The following TENM4 variants were observed in gnomAD, a reference collection of about 807,000 sequenced individuals.
The protein encoded by TENM4 is teneurin transmembrane protein 4.
In TENM4, 82 loss-of-function variants were observed where a neutral mutation model predicts 243.3. The observed-to-expected ratio is 0.34, with a 90% CI of 0.28 to 0.40. The LOEUF is 0.40. Among genes scored for constraint, TENM4 ranks in the 10% least tolerant of loss-of-function variants. The probability of loss-of-function intolerance (pLI) is 1.00; values close to 1 mark genes in which losing one functional copy is unlikely to be tolerated. For missense variants in TENM4, 3,138 were observed against 3,673.3 expected (o/e 0.85, Z 3.77); for synonymous variants, 1,412 against 1,456.3 (o/e 0.97, Z 0.69).
intron 1 of TENM4, among the ~76,000 whole-genome samples, chr11:79,417,932 C>T (rs767117748): frequency 2.0e-5 from 3 of 152,152 alleles, no homozygotes; most frequent in Non-Finnish European, 4.4e-5. Flanking sequence ...TTCTTACTGA[C>T]CTCCAGGCAG....
chr11:78,935,371 C>T (rs563846315), intron 6 of TENM4, among the ~76,000 whole-genome samples: 7 of 152,232 alleles, frequency 4.6e-5, no homozygotes, highest in East Asian at 1.9e-4. Flanking sequence ...GGAAGAAGGG[C>T]GCTAAACACC....
At chr11:79,022,090 C>T (rs760415587) in intron 6 of TENM4, among the ~76,000 whole-genome samples, 9 of 152,144 alleles carry the variant, frequency 5.9e-5, no homozygotes, top group Non-Finnish European at 1.2e-4. Context: ...CTAACATAAG[C>T]GTTAGGGAGG....
intron 1 of TENM4, among the ~76,000 whole-genome samples, chr11:79,320,277 G>A (rs1010055343): frequency 1.3e-5 from 2 of 152,184 alleles, no homozygotes; most frequent in East Asian, 1.9e-4. Context: ...TGTCTCCATA[G>A]CATGGAATTA....
chr11:78,865,635 C>T lies in TENM4; in HGVS notation c.1085-2503G>A, dbSNP rs370642476. Among the ~76,000 whole-genome samples, 15 of 152,222 alleles carry T rather than the reference C, an allele frequency of 9.9e-5. No individual in the cohort carries two copies. In the South Asian group the frequency reaches 1.2e-3, roughly 13 times the overall value. ...ATCAAGACACACACAAAAAAACTAC[C>T]GAGGAGACTGGAGCACAGCATACCC... On this transcript the variant is annotated intron_variant, in intron 9 of 33. Coordinates refer to ENST00000278550, the MANE Select transcript of TENM4 (RefSeq NM_001098816.3).
intron 1 of TENM4, among the ~76,000 whole-genome samples, chr11:79,439,705 C>G (rs564172460): frequency 1.3e-5 from 2 of 151,804 alleles, no homozygotes; most frequent in African/African-American, 4.8e-5. Context: ...CGCCCCACTA[C>G]CTTCCAGTCT....
At chr11:79,221,264 T>A (rs1309979217) in intron 2 of TENM4, 1 of 152,108 alleles carries the variant, frequency 6.6e-6, no homozygotes, top group African/African-American at 2.4e-5. Context: ...TCCTGACTCC[T>A]GAGAAAAGTA....
At chr11:78,940,601 C>T (rs962859947) in intron 6 of TENM4, among the ~76,000 whole-genome samples, 1 of 152,308 alleles carries the variant, frequency 6.6e-6, no homozygotes, top group Non-Finnish European at 1.5e-5. Context: ...TTCCTCCCAG[C>T]CCCCCTCCAT....
intron 1 of TENM4, among the ~76,000 whole-genome samples, chr11:79,332,487 T>A (rs912536387): frequency 2.7e-5 from 4 of 149,910 alleles, no homozygotes; most frequent in South Asian, 2.1e-4. Context: ...AAATCTCTTT[T>A]AAAAAAAAAA....
At chr11:78,811,538 T>C (rs1440970327) in intron 14 of TENM4, among the ~76,000 whole-genome samples, 2 of 151,774 alleles carry the variant, frequency 1.3e-5, no homozygotes, top group African/African-American at 4.9e-5. Flanking sequence ...AGGAGAGGCA[T>C]GCTCATGGGC....
intron 12 of TENM4, among the ~76,000 whole-genome samples, chr11:78,817,398 T>C (rs559580760): frequency 2.3e-4 from 35 of 152,324 alleles, no homozygotes; most frequent in Admixed American, 1.6e-3. Context: ...TGCTTTATAT[T>C]AACACAGAGT....
chr11:79,160,969 C>T (rs922050531), intron 3 of TENM4, among the ~76,000 whole-genome samples: 2 of 152,086 alleles, frequency 1.3e-5, no homozygotes, highest in Non-Finnish European at 2.9e-5. Flanking sequence ...TAGAAAAAAG[C>T]CGGTTGCCTT....
intron 9 of TENM4, among the ~76,000 whole-genome samples, chr11:78,888,799 A>G (rs547133936): frequency 1.1e-3 from 160 of 152,288 alleles, no homozygotes; most frequent in African/African-American, 3.8e-3. Context: ...TTGCAGAATT[A>G]TCTTAGAATT....
chr11:78,845,775 A>G (rs1398918445), intron 12 of TENM4, among the ~76,000 whole-genome samples: 2 of 150,260 alleles, frequency 1.3e-5, no homozygotes, highest in African/African-American at 4.9e-5. Flanking sequence ...CGACTGACAG[A>G]AAAAAAAAAG....
chr11:78,668,270 TA>T (rs1207289017), intron 32 of TENM4, among the ~76,000 whole-genome samples: 1 of 152,218 alleles, frequency 6.6e-6, no homozygotes, highest in East Asian at 1.9e-4. Context: ...ACTTATTAGC[TA>T]GGACTCTTTT....
At chr11:78,763,562 C>T (rs902693608) in intron 18 of TENM4, among the ~76,000 whole-genome samples, 3 of 152,176 alleles carry the variant, frequency 2.0e-5, no homozygotes, top group Non-Finnish European at 4.4e-5. Context: ...GAAGGCCCTG[C>T]CATACTCTCA....
At chr11:79,165,955 T>G (rs1862902265) in intron 3 of TENM4, among the ~76,000 whole-genome samples, 1 of 152,212 alleles carries the variant, frequency 6.6e-6, no homozygotes, top group African/African-American at 2.4e-5. Flanking sequence ...CTGTAAGTAT[T>G]TGGCTTTATT....
In TENM4 at chr11:78,756,883, G is replaced by A. The variant is rs778419016; in HGVS notation, c.2678C>T (p.Ser893Phe). 24 of 1,613,862 alleles carry A rather than the reference G, an allele frequency of 1.5e-5. No individual in the cohort carries two copies. Among genetic ancestry groups the A allele is most frequent in the Non-Finnish European group, 1.9e-5 (23 of 1,179,894 alleles). Reference sequence around the variant, plus strand: ...GAGGAACTTGATGCGGTCATAGAAGGAGTGTAGGTTCTGCTGTGACACAGG... The same window carrying A: ...GAGGAACTTGATGCGGTCATAGAAGAAGTGTAGGTTCTGCTGTGACACAGG... Reference protein sequence around the residue: ...QVPVSQQNLHSFYDRIKFLVG... With the variant: ...QVPVSQQNLHFFYDRIKFLVG... Residue 893 changes from serine (S) to phenylalanine (F), a missense_variant, in exon 19 of 34, where the codon TCC becomes TTC. Physicochemically the swap from Ser to Phe is radical, Grantham distance 155. Coordinates refer to ENST00000278550, the MANE Select transcript of TENM4 (RefSeq NM_001098816.3).
intron 6 of TENM4, among the ~76,000 whole-genome samples, chr11:78,956,338 G>A (rs1273881382): frequency 1.3e-5 from 2 of 152,112 alleles, no homozygotes; most frequent in Non-Finnish European, 2.9e-5. Flanking sequence ...AAGGGGGCCC[G>A]ACAGCAGACA....
At chr11:78,715,869 T>G (rs547878401) in intron 25 of TENM4, among the ~76,000 whole-genome samples, 1 of 152,136 alleles carries the variant, frequency 6.6e-6, no homozygotes, top group Non-Finnish European at 1.5e-5. Context: ...TGCAGCTGCA[T>G]CTATGATGCC....
Sources: gnomAD v4.1 joint callset for allele counts (sites outside exome capture counted in the v4.1 genomes callset) on GRCh38, gnomAD v4.1.1 for gene constraint, MANE v1.5 for transcripts, NCBI Gene and HGNC (gene_info 2026-07-23, HGNC 2026-07-21) for gene names.